Variants in CCDC148 observed in about 807,000 individuals in gnomAD.
The protein encoded by CCDC148 is coiled-coil domain containing 148, also known as coiled-coil domain-containing protein 148.
A neutral mutation model predicts 85.7 loss-of-function variants in CCDC148; 89 were observed. That is an observed-to-expected ratio of 1.04 (90% CI 0.87 to 1.24). The LOEUF (loss-of-function observed/expected upper bound fraction) is 1.24, where lower values mean the gene tolerates loss of function less well. CCDC148 is among the 50% of genes most tolerant of loss of function. CCDC148 has a pLI of 0.00. For synonymous variants in CCDC148, 230 were observed against 213.9 expected (o/e 1.08, Z -0.66); for missense variants, 692 against 671.7 (o/e 1.03, Z -0.33).
intron 11 of CCDC148, among the ~76,000 whole-genome samples, chr2:158,199,491 C>G (rs1249657816): frequency 6.6e-6 from 1 of 152,162 alleles, no homozygotes; most frequent in Admixed American, 6.5e-5. Flanking sequence ...ATGATCCACC[C>G]ACCTTGGCCT....
intron 1 of CCDC148, among the ~76,000 whole-genome samples, chr2:158,367,354 T>G (rs1212378565): frequency 1.3e-5 from 2 of 152,220 alleles, no homozygotes; most frequent in Non-Finnish European, 2.9e-5. Flanking sequence ...GCTGTCCAAG[T>G]TTGCCATCTT....
intron 1 of CCDC148, among the ~76,000 whole-genome samples, chr2:158,413,677 T>A (rs1198553651): frequency 1.3e-5 from 2 of 152,138 alleles, no homozygotes; most frequent in African/African-American, 4.8e-5. Flanking sequence ...TAGTAAATAT[T>A]TTCTACTTTG....
Position 158,412,714 on chromosome 2 carries a change from T to C in CCDC148, c.25+43701A>G, listed in dbSNP as rs561916279. On this transcript the variant is annotated intron_variant, in intron 1 of 13. Coordinates refer to ENST00000283233, the MANE Select transcript of CCDC148 (RefSeq NM_138803.4). Reference sequence around the variant, plus strand: ...TGCCCTAATTTTAACAATTTTAACATAGCAATTATCCACTTAAGGCTAGGT... The same window carrying C: ...TGCCCTAATTTTAACAATTTTAACACAGCAATTATCCACTTAAGGCTAGGT... 1.2e-3 allele frequency among the ~76,000 whole-genome samples: 180 copies of C among 152,074 alleles called. 1 individual carries two copies. The highest frequency in any genetic ancestry group is 4.3e-3 in the African/African-American group (178 of 41,528).
intron 11 of CCDC148, among the ~76,000 whole-genome samples, chr2:158,184,130 A>G (rs1685041703): frequency 6.6e-6 from 1 of 152,102 alleles, no homozygotes; most frequent in African/African-American, 2.4e-5. Context: ...ATAAGCAAAG[A>G]CCAATTTCTG....
At chr2:158,225,280 A>T (rs886318562) in intron 10 of CCDC148, among the ~76,000 whole-genome samples, 6 of 152,136 alleles carry the variant, frequency 3.9e-5, no homozygotes, top group African/African-American at 9.7e-5. Context: ...ATGCACCCAA[A>T]ACAGGAGCAC....
chr2:158,362,729 A>C (rs1009806805), intron 1 of CCDC148, among the ~76,000 whole-genome samples: 3 of 152,198 alleles, frequency 2.0e-5, no homozygotes, highest in African/African-American at 7.2e-5. Flanking sequence ...GAAAGATCTA[A>C]AATTGACACC....
chr2:158,201,741 C>A (rs1685973448), intron 11 of CCDC148, among the ~76,000 whole-genome samples: 1 of 152,026 alleles, frequency 6.6e-6, no homozygotes. Context: ...TTAAAATAGT[C>A]TTTTTTCCTC....
chr2:158,413,670 T>G (rs896990859), intron 1 of CCDC148, among the ~76,000 whole-genome samples: 5 of 151,982 alleles, frequency 3.3e-5, no homozygotes, highest in African/African-American at 9.7e-5. Context: ...GGACAGATAG[T>G]AAATATTTTC....
At chr2:158,211,399 G>A (rs1172899127) in intron 11 of CCDC148, among the ~76,000 whole-genome samples, 3 of 152,104 alleles carry the variant, frequency 2.0e-5, no homozygotes, top group Non-Finnish European at 4.4e-5. Context: ...AAAAATAATG[G>A]TGGGCATAAA....
chr2:158,181,874 G>A (rs1684921635), intron 11 of CCDC148, among the ~76,000 whole-genome samples: 1 of 151,858 alleles, frequency 6.6e-6, no homozygotes, highest in Non-Finnish European at 1.5e-5. Flanking sequence ...TGCAGGATGG[G>A]TTGTTGGGAG....
intron 9 of CCDC148, among the ~76,000 whole-genome samples, chr2:158,286,626 A>G (rs1191857760): frequency 6.6e-6 from 1 of 152,208 alleles, no homozygotes; most frequent in Non-Finnish European, 1.5e-5. Context: ...TATCTAAGGT[A>G]GGACAGTATT....
intron 1 of CCDC148, among the ~76,000 whole-genome samples, chr2:158,430,788 G>A (rs1434682435): frequency 6.6e-6 from 1 of 151,868 alleles, no homozygotes; most frequent in Non-Finnish European, 1.5e-5. Flanking sequence ...CAGAGAAATG[G>A]CAAAAATGAT....
rs1400209123 is a variant in CCDC148 at position 158,365,879 on chromosome 2, C to T, written c.26-7309G>A. The T allele has an allele frequency of 2.6e-5, 16 of 616,912 alleles. 1 individual carries two copies. Among genetic ancestry groups the T allele is most frequent in the South Asian group, 2.1e-4 (9 of 42,162 alleles). The allele number at this position is 616,912 out of a possible 1,614,324, so 38.2% of individuals were successfully genotyped here. ...CACAAACCCATTGTAAAGAACTGGCCGGTCATTCAATGTAACCAGAAAGTG... is the reference window on the plus strand; with the variant it reads ...CACAAACCCATTGTAAAGAACTGGCTGGTCATTCAATGTAACCAGAAAGTG... On this transcript the variant is annotated intron_variant, in intron 1 of 13. Transcript: ENST00000283233.
At chr2:158,362,676 G>C (rs966735428) in intron 1 of CCDC148, among the ~76,000 whole-genome samples, 1 of 152,164 alleles carries the variant, frequency 6.6e-6, no homozygotes, top group East Asian at 1.9e-4. Flanking sequence ...GCAGTGTGTA[G>C]AGGGAAATTG....
At chr2:158,347,670 T>C (rs1470583259) in intron 2 of CCDC148, among the ~76,000 whole-genome samples, 1 of 152,104 alleles carries the variant, frequency 6.6e-6, no homozygotes, top group Non-Finnish European at 1.5e-5. Context: ...AGGGGTTTCC[T>C]GTATATGGCT....
intron 3 of CCDC148, among the ~76,000 whole-genome samples, chr2:158,341,656 A>T (rs1238770293): frequency 1.3e-5 from 2 of 152,032 alleles, no homozygotes; most frequent in South Asian, 4.1e-4. Context: ...GAATAAAATC[A>T]TAACTAACTC....
chr2:158,406,628 T>TTTTTTTTGTTTTTG (rs1553518884), intron 1 of CCDC148, among the ~76,000 whole-genome samples: 1 of 119,010 alleles, frequency 8.4e-6, no homozygotes. Flanking sequence ...TTTTTTTTTT[T>TTTTTTTTGTTTTTG]TTTTTTTTTT....
chr2:158,443,113 G>A (rs546548477), intron 1 of CCDC148, among the ~76,000 whole-genome samples: 1 of 152,120 alleles, frequency 6.6e-6, no homozygotes, highest in East Asian at 1.9e-4. Context: ...CCTAGAGTTA[G>A]GGACAGGAAG....
At chr2:158,347,235 T>A (rs1683038010) in intron 2 of CCDC148, among the ~76,000 whole-genome samples, 2 of 152,104 alleles carry the variant, frequency 1.3e-5, no homozygotes, top group Admixed American at 6.6e-5. Context: ...TACAAAAAAA[T>A]TAAAATACAT....
Sources: allele counts gnomAD v4.1 joint callset (sites outside exome capture counted in the v4.1 genomes callset), GRCh38; gene constraint gnomAD v4.1.1; transcripts MANE v1.5; gene names NCBI Gene and HGNC (gene_info 2026-07-23, HGNC 2026-07-21).